ITGAX: variants seen among roughly 807,000 people sequenced by gnomAD.
ITGAX encodes the protein integrin subunit alpha X.
ITGAX carries 99 observed loss-of-function variants against 140.2 expected under a neutral mutation model. The ratio of observed to expected loss-of-function variants is 0.71; its 90% CI spans 0.60 to 0.83. The LOEUF (loss-of-function observed/expected upper bound fraction) is 0.83. Ranked by LOEUF, ITGAX falls within the 40% of genes least tolerant of loss-of-function variation. The probability of loss-of-function intolerance (pLI) is 0.00; values close to 1 mark genes in which losing one functional copy is unlikely to be tolerated. For synonymous variants in ITGAX, 631 were observed against 600.4 expected, an observed-to-expected ratio of 1.05 and a Z score of -0.75; for missense variants, 1,444 against 1,482.0, an observed-to-expected ratio of 0.97 and a Z score of 0.42.
chr16:31,356,153 G>A (rs180697188), intron 2 of ITGAX, 155 bp downstream of exon 2: 8 of 576,564 alleles, frequency 1.4e-5, no homozygotes, highest in East Asian at 8.9e-5. Context: ...AGGCAGGCAC[G>A]GTCTCACAGC....
chr16:31,361,866 A>G lies in ITGAX; in HGVS notation c.1043A>G (p.Glu348Gly). Residue 348 changes from glutamate (E) to glycine (G), a missense_variant, in exon 10 of 30, where the codon GAA becomes GGA. Physicochemically the swap from Glu to Gly is moderately conservative, Grantham distance 98 (BLOSUM62 -2). Coordinates refer to ENST00000268296, the MANE Select transcript of ITGAX (RefSeq NM_000887.5). ...GAGACCACAAGCAGTAGCTCCTTCG[A>G]ATTGGAGATGGCACAGGAGGGCTTC... is the stretch of plus-strand genomic sequence containing the variant. The part of the protein sequence containing the change: ...GTETTSSSSF[E>G]LEMAQEGFSA... 1 of 1,613,940 alleles carries G rather than the reference A, an allele frequency of 6.2e-7. No individual in the cohort carries two copies. Among genetic ancestry groups the G allele is most frequent in the Non-Finnish European group, 8.5e-7 (1 of 1,179,948 alleles).
At chr16:31,362,795 G>T (rs1417304161) in intron 12 of ITGAX, 42 bp downstream of exon 12, 4 of 1,612,302 alleles carry the variant, frequency 2.5e-6, no homozygotes, top group East Asian at 2.2e-5. Context: ...GAGGGTAGGG[G>T]AGGTGGCTGG....
At chr16:31,361,001 C>T (rs879272356) in intron 8 of ITGAX, 62 bp from the exon 9 acceptor site, 22 of 1,511,730 alleles carry the variant, frequency 1.5e-5, no homozygotes, top group Non-Finnish European at 1.9e-5. Flanking sequence ...AGATGTTGCA[C>T]CCAGTGCACA....
In ITGAX at chr16:31,377,840, G is replaced by T. The variant is rs74642093; in HGVS notation, c.2789+575G>T. Among the ~76,000 whole-genome samples, 1,140 of 152,330 alleles carry T rather than the reference G, an allele frequency of 7.5e-3. 17 individuals are homozygous for T. The highest frequency in any genetic ancestry group is 0.026 in the African/African-American group (1,067 of 41,576). ...GGGAGTGCCAGGTTGGGGCATTTCT[G>T]GGGGAGGCCAAGGTGGGAGGATTGC... On this transcript the variant is annotated intron_variant, in intron 23 of 29. Transcript: ENST00000268296.
chr16:31,361,451 C>A, intron 9 of ITGAX: 1 of 673,068 alleles, frequency 1.5e-6, no homozygotes, highest in Non-Finnish European at 2.7e-6. Context: ...ACACCACCAC[C>A]GGCTCCACTG....
intron 11 of ITGAX, 148 bp from the exon 12 acceptor site, chr16:31,362,463 T>C: frequency 8.7e-7 from 1 of 1,153,722 alleles, no homozygotes; most frequent in Non-Finnish European, 1.2e-6. Context: ...GGTTCCAGGG[T>C]TCTGGGGAGA....
At chr16:31,362,265 G>T in intron 11 of ITGAX, 61 bp downstream of exon 11, 1 of 1,598,502 alleles carries the variant, frequency 6.3e-7, no homozygotes. Context: ...TGGGGTCCAG[G>T]GTTCTGGGGA....
At chr16:31,362,817 G>GGATGGA in intron 12 of ITGAX, 64 bp downstream of exon 12, 1 of 1,608,684 alleles carries the variant, frequency 6.2e-7, no homozygotes, top group South Asian at 1.1e-5. Flanking sequence ...GCAGAGGAGA[G>GGATGGA]GATGGAGGGG....
At position 31,382,039 on chromosome 16, in the gene ITGAX, G is replaced by C; in HGVS notation, c.*132G>C. 6.9e-7 allele frequency: 1 copy of C among 1,447,520 alleles called. No individual in the cohort carries two copies. Among genetic ancestry groups the C allele is most frequent in the Non-Finnish European group, 9.0e-7 (1 of 1,104,974 alleles). The allele number at this position is 1,447,520 out of a possible 1,614,324, so 89.7% of individuals were successfully genotyped here. On this transcript the variant is annotated 3_prime_UTR_variant, in exon 30 of 30. Coordinates refer to ENST00000268296, the MANE Select transcript of ITGAX (RefSeq NM_000887.5). ...GGGATGGGCCTGCTTCCTGTCTTTGGGAGAAAACGTCTTGCTTGGGAAGGG... is the reference window on the plus strand; with the variant it reads ...GGGATGGGCCTGCTTCCTGTCTTTGCGAGAAAACGTCTTGCTTGGGAAGGG...
intron 14 of ITGAX, among the ~76,000 whole-genome samples, chr16:31,368,571 A>C (rs916674116): frequency 6.6e-6 from 1 of 150,754 alleles, no homozygotes; most frequent in Non-Finnish European, 1.5e-5. Flanking sequence ...AATTGACTCC[A>C]ACTTTCTTTT....
chr16:31,382,028 T>A lies in ITGAX; in HGVS notation c.*121T>A. The A allele has an allele frequency of 1.4e-6, 2 of 1,457,790 alleles. No homozygotes were observed. Among genetic ancestry groups the A allele is most frequent in the South Asian group, 2.8e-5 (2 of 71,078 alleles). 90.3% of individuals were successfully genotyped at this position (1,457,790 alleles called of 1,614,324 possible). ...CGAGAGAGGCTGGGATGGGCCTGCT[T>A]CCTGTCTTTGGGAGAAAACGTCTTG... is the stretch of plus-strand genomic sequence containing the variant. On this transcript the variant is annotated 3_prime_UTR_variant, in exon 30 of 30. Transcript: ENST00000268296.
chr16:31,380,566 C>A lies in ITGAX; in HGVS notation c.3218C>A (p.Thr1073Lys). The change falls in exon 28 of 30, where the codon ACG becomes AAG. Residue 1073 changes from threonine to lysine, a missense_variant. Coordinates refer to ENST00000268296, the MANE Select transcript of ITGAX (RefSeq NM_000887.5). The stretch of plus-strand genomic sequence containing the variant: ...TCGGTCGTGAGTGTGGCTGAAATTA[C>A]GTTCGACACATCCGTGTACTCCCAG... ...KVSVVSVAEI[T>K]FDTSVYSQLP... 1.9e-6 allele frequency: 3 copies of A among 1,614,228 alleles called. No individual in the cohort carries two copies. Among genetic ancestry groups the A allele is most frequent in the Non-Finnish European group, 2.5e-6 (3 of 1,180,050 alleles).
chr16:31,361,063 GT>G lies in ITGAX; in HGVS notation c.864del (p.Gly289AspfsTer2), dbSNP rs747864199. 1 of 1,612,840 alleles carries G rather than the reference GT, an allele frequency of 6.2e-7. No individual in the cohort carries two copies. The highest frequency in any genetic ancestry group is 8.5e-7 in the Non-Finnish European group (1 of 1,179,714). On this transcript the variant is annotated frameshift_variant and splice_region_variant, in exon 9 of 30. Coordinates refer to ENST00000268296, the MANE Select transcript of ITGAX (RefSeq NM_000887.5). LOFTEE classifies it high-confidence loss of function. ...AAGIIRYAIG[V>X]GLAFQNRNSW... ...CTGAGTTGATCTTTTCTGGGGACAG[GT>G]TGGATTAGCTTTTCAAAACAGAAAT...
At position 31,365,640 on chromosome 16, in the gene ITGAX, T is replaced by C. The variant is rs543079786; in HGVS notation, c.1710+2266T>C. ...ATTATCATTAAGATAGTTTAACAAC[T>C]GGCCAGGCGCGGTGGCTCCCGCCTG... On this transcript the variant is annotated intron_variant, in intron 14 of 29. Coordinates refer to ENST00000268296, the MANE Select transcript of ITGAX (RefSeq NM_000887.5). Among the ~76,000 whole-genome samples the C allele has an allele frequency of 5.3e-5, 8 of 152,344 alleles. No individual in the cohort carries two copies. In the South Asian group the frequency reaches 1.7e-3, roughly 32 times the overall value.
intron 18 of ITGAX, 32 bp downstream of exon 18, chr16:31,372,541 G>A (rs759588650): frequency 1.2e-6 from 2 of 1,613,368 alleles, no homozygotes; most frequent in Non-Finnish European, 1.7e-6. Flanking sequence ...CCCAGAGAGG[G>A]TGCACAGCGT....
rs941476055 is a variant in ITGAX, at chr16:31,355,240, T to C, written c.-15T>C. 3.1e-6 allele frequency: 5 copies of C among 1,613,688 alleles called. No homozygotes were observed. In the African/African-American group the frequency reaches 6.7e-5, roughly 22 times the overall value. The stretch of plus-strand genomic sequence containing the variant: ...CGGCCCAGGAGCTCAGAGCTCCACA[T>C]CTGACCTTCTAGTCATGACCAGGAC... On this transcript the variant is annotated 5_prime_UTR_variant, in exon 1 of 30. Coordinates refer to ENST00000268296, the MANE Select transcript of ITGAX (RefSeq NM_000887.5).
In ITGAX at chr16:31,355,289, C is replaced by G; in HGVS notation, c.35C>G (p.Thr12Arg). Residue 12 changes from threonine to arginine, a missense_variant and splice_region_variant, in exon 1 of 30, where the codon ACA (threonine) becomes AGA (arginine). Coordinates refer to ENST00000268296, the MANE Select transcript of ITGAX (RefSeq NM_000887.5). ...ACCAGGGCAGCACTCCTCCTGTTCA[C>G]AGGTGAGCCTGGACCCCAATGAAGT... Reference protein sequence around the residue: ...TRTRAALLLFTALATSLGFNL... With the variant: ...TRTRAALLLFRALATSLGFNL... The G allele has an allele frequency of 1.2e-6, 2 of 1,613,786 alleles. No homozygotes were observed. Among genetic ancestry groups the G allele is most frequent in the Non-Finnish European group, 1.7e-6 (2 of 1,179,974 alleles).
chr16:31,356,085 CA>C lies in ITGAX; in HGVS notation c.143+90del, dbSNP rs2080757308. ...GCCCCCGGCCCTGCCCTGTTATTTGCAAACTCTCCTCTCTGTCTGGTGTAGC... is the reference window on the plus strand; with the variant it reads ...GCCCCCGGCCCTGCCCTGTTATTTGCAACTCTCCTCTCTGTCTGGTGTAGC... On this transcript the variant is annotated intron_variant, in intron 2 of 29. Transcript: ENST00000268296. 9 of 911,632 alleles carry C rather than the reference CA, an allele frequency of 9.9e-6. No individual in the cohort carries two copies. The South Asian group carries it at 1.4e-4, about 14-fold the overall frequency. The allele number at this position is 911,632 out of a possible 1,614,324, so 56.5% of individuals were successfully genotyped here. A position where few individuals can be genotyped will look rare whatever the true frequency, so the allele number is the denominator to read the frequency against.
chr16:31,355,683 AT>A (rs2080751632), intron 1 of ITGAX, among the ~76,000 whole-genome samples: 2 of 152,138 alleles, frequency 1.3e-5, no homozygotes, highest in Non-Finnish European at 2.9e-5. Flanking sequence ...CTCTGCAGAA[AT>A]GGAGAACTGC....
Sources: allele counts gnomAD v4.1 joint callset (sites outside exome capture counted in the v4.1 genomes callset), GRCh38; gene constraint gnomAD v4.1.1; transcripts MANE v1.5; gene names NCBI Gene and HGNC (gene_info 2026-07-23, HGNC 2026-07-21).